DOK6: variants seen among roughly 807,000 people sequenced by gnomAD.
DOK6 encodes the protein downstream of tyrosine kinase 6.
DOK6 carries 22 observed loss-of-function variants against 44.0 expected under a neutral mutation model. That is an observed-to-expected ratio of 0.50 (90% confidence interval 0.36 to 0.71). The LOEUF is 0.71. Among genes scored for constraint, DOK6 ranks in the 30% least tolerant of loss-of-function variants. DOK6 has a pLI of 0.00. For synonymous variants in DOK6, 166 were observed against 145.5 expected (o/e 1.14, Z -1.01); for missense variants, 340 against 416.4 (o/e 0.82, Z 1.60).
intron 3 of DOK6, among the ~76,000 whole-genome samples, chr18:69,629,368 C>A (rs916306045): frequency 1.3e-5 from 2 of 152,048 alleles, no homozygotes; most frequent in African/African-American, 4.8e-5. Flanking sequence ...TTTTTTCAAT[C>A]ATACTCAATG....
chr18:69,770,422 AG>A (rs1979853924), intron 7 of DOK6, among the ~76,000 whole-genome samples: 2 of 152,124 alleles, frequency 1.3e-5, no homozygotes, highest in African/African-American at 4.8e-5. Flanking sequence ...CTTCTGCCCA[AG>A]GACATTCTCT....
intron 7 of DOK6, among the ~76,000 whole-genome samples, chr18:69,825,427 CTTTTTTTTTTTTTTT>C (rs34656265): frequency 1.2e-5 from 1 of 82,958 alleles, no homozygotes; most frequent in African/African-American, 5.0e-5. Flanking sequence ...ATCATAACTT[CTTTTTTTTTTTTTTT>C]TTTTTTTTTT....
At chr18:69,798,471 A>T (rs1255259564) in intron 7 of DOK6, among the ~76,000 whole-genome samples, 1 of 152,072 alleles carries the variant, frequency 6.6e-6, no homozygotes, top group Non-Finnish European at 1.5e-5. Context: ...TAAAATGGTT[A>T]AACTCTTGTA....
chr18:69,564,703 A>G (rs1599195023), intron 2 of DOK6, 109 bp downstream of exon 2: 4 of 815,454 alleles, frequency 4.9e-6, no homozygotes, highest in African/African-American at 1.8e-5. Context: ...ATGGCTTGGG[A>G]AAAATGCCCT....
chr18:69,436,889 T>C (rs1978995746), intron 1 of DOK6, among the ~76,000 whole-genome samples: 1 of 152,256 alleles, frequency 6.6e-6, no homozygotes. Context: ...GTGGTTTTGC[T>C]TTGCATTTCT....
chr18:69,763,488 C>T (rs549935999), intron 7 of DOK6, among the ~76,000 whole-genome samples: 3 of 152,180 alleles, frequency 2.0e-5, no homozygotes, highest in East Asian at 1.9e-4. Flanking sequence ...TGAATACATA[C>T]TATTTGTTTT....
intron 4 of DOK6, among the ~76,000 whole-genome samples, chr18:69,690,434 G>C (rs1986239582): frequency 1.3e-5 from 2 of 152,152 alleles, no homozygotes; most frequent in Admixed American, 1.3e-4. Context: ...GTATTATACA[G>C]ATCTAAGGAT....
At chr18:69,669,982 C>A (rs932105650) in intron 3 of DOK6, among the ~76,000 whole-genome samples, 11 of 152,104 alleles carry the variant, frequency 7.2e-5, no homozygotes, top group Admixed American at 2.6e-4. Context: ...CAGAAAGCAC[C>A]ACAAATTTAT....
At chr18:69,572,707 G>A (rs557201517) in intron 2 of DOK6, among the ~76,000 whole-genome samples, 9 of 152,086 alleles carry the variant, frequency 5.9e-5, no homozygotes, top group Admixed American at 3.3e-4. Flanking sequence ...ATAACATTAA[G>A]AGTAGATCAT....
intron 7 of DOK6, among the ~76,000 whole-genome samples, chr18:69,804,974 A>T (rs1337374841): frequency 6.6e-6 from 1 of 152,190 alleles, no homozygotes; most frequent in Non-Finnish European, 1.5e-5. Flanking sequence ...GGGAAAGGTC[A>T]AAATACATTT....
chr18:69,444,456 T>C (rs1979222528), intron 1 of DOK6, among the ~76,000 whole-genome samples: 1 of 151,844 alleles, frequency 6.6e-6, no homozygotes, highest in Admixed American at 6.6e-5. Flanking sequence ...AACCACCGAA[T>C]CCCACACATG....
intron 6 of DOK6, among the ~76,000 whole-genome samples, chr18:69,739,599 C>A (rs573278416): frequency 3.6e-4 from 55 of 152,308 alleles, no homozygotes; most frequent in African/African-American, 1.3e-3. Flanking sequence ...AATAATTTGT[C>A]TATCATCTTG....
chr18:69,671,894 G>T (rs973852144), intron 3 of DOK6, among the ~76,000 whole-genome samples: 3 of 152,172 alleles, frequency 2.0e-5, no homozygotes, highest in Non-Finnish European at 4.4e-5. Flanking sequence ...GATCAAGTAA[G>T]TTTCCTGCAC....
At chr18:69,791,512 G>C (rs1418213119) in intron 7 of DOK6, among the ~76,000 whole-genome samples, 1 of 152,174 alleles carries the variant, frequency 6.6e-6, no homozygotes, top group African/African-American at 2.4e-5. Flanking sequence ...CAGTGATGCT[G>C]AGCAGCTTTT....
At chr18:69,542,893 A>T (rs1341378526) in intron 1 of DOK6, among the ~76,000 whole-genome samples, 1 of 151,614 alleles carries the variant, frequency 6.6e-6, no homozygotes, top group Non-Finnish European at 1.5e-5. Flanking sequence ...AACATCATTT[A>T]GTTGAGATCT....
At chr18:69,511,925 T>C (rs1040976028) in intron 1 of DOK6, among the ~76,000 whole-genome samples, 2 of 152,134 alleles carry the variant, frequency 1.3e-5, no homozygotes, top group Non-Finnish European at 2.9e-5. Flanking sequence ...AGAAATATGC[T>C]GGGTTGGTAA....
At chr18:69,787,209 T>C (rs141838746) in intron 7 of DOK6, among the ~76,000 whole-genome samples, 3,768 of 152,200 alleles carry the variant, frequency 0.025, 57 homozygotes, top group Middle Eastern at 0.051. Context: ...GAGTGAGACT[T>C]GGTCTCAAAA....
chr18:69,724,927 A>C (rs1978298565), intron 5 of DOK6: 1 of 152,184 alleles, frequency 6.6e-6, no homozygotes, highest in Admixed American at 6.5e-5. Context: ...ATGTTGCTAT[A>C]AAGCCCAGTG....
Position 69,848,948 on chromosome 18 carries a change from C to T in DOK6, c.*7565C>T, listed in dbSNP as rs1168309646. The T allele has an allele frequency of 6.6e-6, 1 of 152,162 alleles. No homozygotes were observed. Among genetic ancestry groups the T allele is most frequent in the Non-Finnish European group, 1.5e-5 (1 of 68,020 alleles). The allele number at this position is 152,162 out of a possible 1,614,324, so 9.4% of individuals were successfully genotyped here. On this transcript the variant is annotated 3_prime_UTR_variant, in exon 8 of 8. Coordinates refer to ENST00000382713, the MANE Select transcript of DOK6 (RefSeq NM_152721.6). ...CTTGGTTTTCTTATACTTTTGTTAT[C>T]ATGTGATGAAATGTAACTATGTAAT...
Sources: allele counts gnomAD v4.1 joint callset (sites outside exome capture counted in the v4.1 genomes callset), GRCh38; gene constraint gnomAD v4.1.1; transcripts MANE v1.5; gene names NCBI Gene and HGNC (gene_info 2026-07-23, HGNC 2026-07-21).